MOB3B: variants seen among roughly 807,000 people sequenced by gnomAD.
MOB3B encodes MOB kinase activator-like 2B.
A neutral mutation model predicts 18.7 loss-of-function variants in MOB3B; 7 were observed. That is an observed-to-expected ratio of 0.37 (90% confidence interval 0.21 to 0.70). The LOEUF is 0.70. Ranked by LOEUF, MOB3B falls within the 30% of genes least tolerant of loss-of-function variation. The pLI, the probability that MOB3B is intolerant of heterozygous loss-of-function variation, is 0.52. For missense variants in MOB3B, 253 were observed against 281.3 expected (o/e 0.90, Z 0.72); for synonymous variants, 111 against 99.9 (o/e 1.11, Z -0.66).
In MOB3B at chr9:27,359,388, G is replaced by C. The variant is rs1034571325; in HGVS notation, c.419-152C>G. 7 of 600,398 alleles carry C rather than the reference G, an allele frequency of 1.2e-5. 1 individual carries two copies. Among genetic ancestry groups the C allele is most frequent in the South Asian group, 6.0e-5 (3 of 50,298 alleles). The allele number at this position is 600,398 out of a possible 1,614,324, so 37.2% of individuals were successfully genotyped here. ...GGGAGTGTGTGTGTGTGGGGGGGGG[G>C]GGTTGGTAGCAAACTAGAAAGCACC... On this transcript the variant is annotated intron_variant, in intron 2 of 3. Coordinates refer to ENST00000262244, the MANE Select transcript of MOB3B (RefSeq NM_024761.5).
At chr9:27,445,839 G>A (rs1417646883) in intron 2 of MOB3B, among the ~76,000 whole-genome samples, 5 of 152,052 alleles carry the variant, frequency 3.3e-5, no homozygotes, top group Non-Finnish European at 2.9e-5. Flanking sequence ...GCCTCCCATT[G>A]CCGGCGGATT....
At chr9:27,428,311 A>G (rs1408478385) in intron 2 of MOB3B, among the ~76,000 whole-genome samples, 1 of 152,228 alleles carries the variant, frequency 6.6e-6, no homozygotes, top group Non-Finnish European at 1.5e-5. Flanking sequence ...TGTTTCAGCA[A>G]TATGATCTCA....
chr9:27,503,377 G>A lies in MOB3B; in HGVS notation c.-199+26178C>T, dbSNP rs562190192. 2.6e-5 allele frequency among the ~76,000 whole-genome samples: 4 copies of A among 152,300 alleles called. No individual in the cohort carries two copies. The East Asian group carries it at 7.7e-4, about 29-fold the overall frequency. ...CCCGAAAAGGGCAAGATAAGATAAA[G>A]TAACGAGACCATCAACTTCTCGCAA... On this transcript the variant is annotated intron_variant, in intron 1 of 3. Coordinates refer to ENST00000262244, the MANE Select transcript of MOB3B (RefSeq NM_024761.5).
intron 1 of MOB3B, among the ~76,000 whole-genome samples, chr9:27,481,677 C>T (rs949268132): frequency 6.6e-6 from 1 of 151,954 alleles, no homozygotes; most frequent in East Asian, 1.9e-4. Flanking sequence ...AGGCGCCCGC[C>T]ACCATGCCCA....
At position 27,455,437 on chromosome 9, in the gene MOB3B, G is replaced by A. The variant is rs750058357; in HGVS notation, c.114C>T (p.Leu38=). The change falls in exon 2 of 4, where the codon CTC becomes CTT. Residue 38 remains leucine (L), a synonymous_variant. Coordinates refer to ENST00000262244, the MANE Select transcript of MOB3B (RefSeq NM_024761.5). ...CCGCCTTCAGGTCCACACCCGAGTT[G>A]AGGGATGCCTGAGCCCGTTTGTGCA... ...FELHKRAQAS[L]NSGVDLKAAV... is the part of the protein sequence containing the mutation. 2.5e-6 allele frequency: 4 copies of A among 1,614,106 alleles called. No homozygotes were observed. Among genetic ancestry groups the A allele is most frequent in the Non-Finnish European group, 2.5e-6 (3 of 1,180,048 alleles).
intron 3 of MOB3B, among the ~76,000 whole-genome samples, chr9:27,350,668 A>G (rs1821090491): frequency 6.6e-6 from 1 of 152,122 alleles, no homozygotes; most frequent in Non-Finnish European, 1.5e-5. Context: ...TTTCTTTGCT[A>G]TTTTTCCAAT....
At chr9:27,466,917 G>C (rs1173018614) in intron 1 of MOB3B, among the ~76,000 whole-genome samples, 2 of 152,116 alleles carry the variant, frequency 1.3e-5, no homozygotes, top group African/African-American at 2.4e-5. Flanking sequence ...TATCATTCCT[G>C]TTATCAGAAT....
Position 27,482,071 on chromosome 9 carries a change from C to CA in MOB3B, c.-198-26324dup, listed in dbSNP as rs564859818. Among the ~76,000 whole-genome samples the CA allele has an allele frequency of 2.1e-3, 320 of 151,264 alleles. 1 individual carries two copies. The highest frequency in any genetic ancestry group is 4.0e-3 in the South Asian group (19 of 4,706). On this transcript the variant is annotated intron_variant, in intron 1 of 3. Coordinates refer to ENST00000262244, the MANE Select transcript of MOB3B (RefSeq NM_024761.5). ...AAGCACGGTAAATAAAATGCAAAAACAAAAAAACATAAAGCAAAAGGGTGG... is the reference window on the plus strand; with the variant it reads ...AAGCACGGTAAATAAAATGCAAAAACAAAAAAAACATAAAGCAAAAGGGTGG...
At chr9:27,412,867 G>C (rs564589589) in intron 2 of MOB3B, among the ~76,000 whole-genome samples, 41 of 152,288 alleles carry the variant, frequency 2.7e-4, no homozygotes, top group African/African-American at 9.6e-4. Context: ...ATCTCCACTG[G>C]TGTATATATC....
At chr9:27,337,893 G>A (rs1404650107) in intron 3 of MOB3B, among the ~76,000 whole-genome samples, 1 of 152,156 alleles carries the variant, frequency 6.6e-6, no homozygotes, top group Non-Finnish European at 1.5e-5. Context: ...AAAACCAACT[G>A]TTCTCTCTGA....
intron 3 of MOB3B, among the ~76,000 whole-genome samples, chr9:27,346,761 G>C (rs141822692): frequency 1.3e-5 from 2 of 152,166 alleles, no homozygotes; most frequent in African/African-American, 4.8e-5. Flanking sequence ...TTGGGAGGTC[G>C]AGGTGGATGG....
intron 3 of MOB3B, among the ~76,000 whole-genome samples, chr9:27,357,888 C>CAAAAAAAAAAAAAAAAAAAAAAAAAAAA (rs58851638): frequency 2.4e-4 from 14 of 57,966 alleles, no homozygotes; most frequent in Admixed American, 2.8e-4. Context: ...CCCATCGCTA[C>CAAAAAAAAAAAAAAAAAAAAAAAAAAAA]AAAAAAAAAA....
intron 1 of MOB3B, chr9:27,525,012 TCTC>T (rs1820413058): frequency 2.1e-6 from 3 of 1,418,054 alleles, no homozygotes; most frequent in Non-Finnish European, 2.8e-6. Context: ...TCTTTCTCCT[TCTC>T]CTCCTCCAAC....
intron 3 of MOB3B, among the ~76,000 whole-genome samples, chr9:27,356,969 CAGAG>C (rs1821198229): frequency 6.6e-6 from 1 of 151,038 alleles, no homozygotes; most frequent in Non-Finnish European, 1.5e-5. Context: ...CAACTGCATT[CAGAG>C]ACAACTCGGT....
rs1205452066 is a variant in MOB3B, at chr9:27,508,121, G to A, written c.-199+21434C>T. The stretch of plus-strand genomic sequence containing the variant: ...CCAAAGGAATTCACTTGGGAAATAC[G>A]ACTTTCTCTGTGATACGTACTCAGG... On this transcript the variant is annotated intron_variant, in intron 1 of 3. Transcript: ENST00000262244. Among the ~76,000 whole-genome samples, 5 of 152,270 alleles carry A rather than the reference G, an allele frequency of 3.3e-5. No individual in the cohort carries two copies. In the South Asian group the frequency reaches 6.2e-4, roughly 19 times the overall value.
At chr9:27,483,814 T>C (rs1002861530) in intron 1 of MOB3B, among the ~76,000 whole-genome samples, 1 of 152,098 alleles carries the variant, frequency 6.6e-6, no homozygotes, top group Admixed American at 6.5e-5. Context: ...CTGGTATTAA[T>C]AGGATGTGAA....
intron 2 of MOB3B, among the ~76,000 whole-genome samples, chr9:27,414,694 A>G (rs1822119936): frequency 6.6e-6 from 1 of 151,860 alleles, no homozygotes; most frequent in Non-Finnish European, 1.5e-5. Context: ...CAACATAAAC[A>G]CAAGGTGACA....
chr9:27,484,357 G>A (rs1819704000), intron 1 of MOB3B, among the ~76,000 whole-genome samples: 1 of 152,144 alleles, frequency 6.6e-6, no homozygotes, highest in Non-Finnish European at 1.5e-5. Context: ...TTGAGAAGGT[G>A]GGCTGTTTGC....
intron 1 of MOB3B, among the ~76,000 whole-genome samples, chr9:27,494,729 G>A (rs550894293): frequency 5.9e-5 from 9 of 151,976 alleles, no homozygotes; most frequent in Non-Finnish European, 1.2e-4. Context: ...TGGCCAGGCT[G>A]GTCTCGAACT....
Sources: allele counts gnomAD v4.1 joint callset (sites outside exome capture counted in the v4.1 genomes callset), GRCh38; gene constraint gnomAD v4.1.1; transcripts MANE v1.5; gene names NCBI Gene and HGNC (gene_info 2026-07-23, HGNC 2026-07-21).